The following CCHCR1 variants were observed in gnomAD, a reference collection of about 807,000 sequenced individuals.
The protein encoded by CCHCR1 is coiled-coil alpha-helical rod protein 1, also known as HCR (a-helix coiled-coil rod homologue).
Under a neutral mutation model 114.6 loss-of-function variants are expected in CCHCR1, and 91 were observed. The ratio of observed to expected loss-of-function variants is 0.79; its 90% CI spans 0.67 to 0.94. The LOEUF (loss-of-function observed/expected upper bound fraction) is 0.94. Ranked by LOEUF, CCHCR1 falls within the 40% of genes least tolerant of loss-of-function variation. CCHCR1 has a pLI of 0.00. For missense variants in CCHCR1, 899 were observed against 1,079.9 expected (o/e 0.83, Z 2.35); for synonymous variants, 379 against 428.5 (o/e 0.88, Z 1.43).
chr6:31,145,502 GA>G lies in CCHCR1; in HGVS notation c.1694-10del, dbSNP rs371781374. ...CTTTCGAGCAATCAGGCCTGGAGGGGAAAAAGCAGGGAGAAAAAGAGATGAA... is the reference window on the plus strand; with the variant it reads ...CTTTCGAGCAATCAGGCCTGGAGGGGAAAAGCAGGGAGAAAAAGAGATGAA... On this transcript the variant is annotated splice_polypyrimidine_tract_variant and intron_variant, in intron 11 of 17. Coordinates refer to ENST00000396268, the MANE Select transcript of CCHCR1 (RefSeq NM_001105564.2). 3.8e-4 allele frequency: 608 copies of G among 1,613,086 alleles called. 8 individuals carry two copies. The East Asian group carries it at 7.4e-3, about 20-fold the overall frequency.
Position 31,157,722 on chromosome 6 carries a change from A to G in CCHCR1, c.-122T>C. ...GCGGCTGTTCTCTCAGCTTCTCTCT[A>G]CTATCCCCTTAGCTTCCATGCCTGC... On this transcript the variant is annotated 5_prime_UTR_variant, in exon 1 of 18. Transcript: ENST00000396268. The G allele has an allele frequency of 1.3e-6, 1 of 762,538 alleles. No individual in the cohort carries two copies. Among genetic ancestry groups the G allele is most frequent in the Non-Finnish European group, 2.1e-6 (1 of 475,636 alleles). The allele number at this position is 762,538 out of a possible 1,614,324, so 47.2% of individuals were successfully genotyped here. A position where few individuals can be genotyped will look rare whatever the true frequency, so the allele number is the denominator to read the frequency against.
chr6:31,149,934 T>G, intron 8 of CCHCR1, 132 bp downstream of exon 8: 3 of 876,476 alleles, frequency 3.4e-6, no homozygotes, highest in Non-Finnish European at 3.6e-6. Flanking sequence ...AAGCTCCACA[T>G]TTTAGTTTTG....
At position 31,150,786 on chromosome 6, in the gene CCHCR1, G is replaced by A; in HGVS notation, c.1040C>T (p.Pro347Leu). Reference protein sequence around the residue: ...NLRKYVGEQVPSEVHSQTWEL... With the variant: ...NLRKYVGEQVLSEVHSQTWEL... ...CCATGTCTGGCTGTGGACCTCAGAAGGCACTTGTTCCCCAACATATTTTCT... is the reference window on the plus strand; with the variant it reads ...CCATGTCTGGCTGTGGACCTCAGAAAGCACTTGTTCCCCAACATATTTTCT... Residue 347 changes from proline (P) to leucine (L), a missense_variant, in exon 6 of 18, where the codon CCT becomes CTT. By Grantham distance (98) the Pro-to-Leu change is moderately conservative (BLOSUM62 -3). Transcript: ENST00000396268. This position sits in a 1 kb window ranked among gnomAD's most constrained non-coding sequence, Gnocchi z 5.3. 6.2e-7 allele frequency: 1 copy of A among 1,613,072 alleles called. No homozygotes were observed. The highest frequency in any genetic ancestry group is 8.5e-7 in the Non-Finnish European group (1 of 1,180,010).
intron 10 of CCHCR1, among the ~76,000 whole-genome samples, chr6:31,147,322 C>T (rs952522058): frequency 6.7e-6 from 1 of 149,634 alleles, no homozygotes; most frequent in Non-Finnish European, 1.5e-5. Flanking sequence ...ATCGTGTGAA[C>T]CCGGGAGGCA....
chr6:31,157,525 A>G lies in CCHCR1; in HGVS notation c.76T>C (p.Trp26Arg), dbSNP rs2151076089. Residue 26 changes from tryptophan to arginine, a missense_variant, in exon 1 of 18, where the codon TGG becomes CGG. Trp to Arg is a moderately radical substitution (Grantham distance 101). Transcript: ENST00000396268. ...TGKDPRVMAC[W>R]CLDGLPSGLA... Reference sequence around the variant, plus strand: ...CCTGAGGGAAGCCCATCCAGACACCAGCAGGCCATGACTCTTGGGTCCTTC... The same window carrying G: ...CCTGAGGGAAGCCCATCCAGACACCGGCAGGCCATGACTCTTGGGTCCTTC... 6.2e-7 allele frequency: 1 copy of G among 1,613,068 alleles called. No homozygotes were observed. The highest frequency in any genetic ancestry group is 1.3e-5 in the African/African-American group (1 of 75,054).
chr6:31,157,202 G>A lies in CCHCR1; in HGVS notation c.217-113C>T, dbSNP rs775917358. On this transcript the variant is annotated intron_variant, in intron 1 of 17. Transcript: ENST00000396268. ...CCTTGAATTATAGCCAGGTCCACCC[G>A]ATGCTTAGCTCTTTTCCTACTTCCC... 3.5e-5 allele frequency: 36 copies of A among 1,041,784 alleles called. No homozygotes were observed. In the East Asian group the frequency reaches 8.1e-4, roughly 23 times the overall value. 64.5% of individuals were successfully genotyped at this position (1,041,784 alleles called of 1,614,324 possible). A position where few individuals can be genotyped will look rare whatever the true frequency, so the allele number is the denominator to read the frequency against.
intron 8 of CCHCR1, 97 bp downstream of exon 8, chr6:31,149,969 G>T: frequency 7.3e-7 from 1 of 1,368,814 alleles, no homozygotes; most frequent in Non-Finnish European, 1.0e-6. Flanking sequence ...CCCAGCATGT[G>T]GCAACCACTC....
chr6:31,154,677 T>G lies in CCHCR1; in HGVS notation c.620A>C (p.Gln207Pro). ...GGCCTGGGCCTCTAGCCTCATCTTC[T>G]GCTGCAGCGAGGTCTCCCGCAGGAG... ...VRLLRETSLQ[Q>P]KMRLEAQAME... is the part of the protein sequence containing the mutation. The change falls in exon 4 of 18, where the codon CAG becomes CCG. Residue 207 changes from glutamine to proline, a missense_variant. Gln to Pro is a moderately conservative substitution (Grantham distance 76). Transcript: ENST00000396268. The surrounding 1 kb of genome is among the most constrained non-coding windows in gnomAD (Gnocchi z 4.1). The G allele has an allele frequency of 6.2e-7, 1 of 1,611,428 alleles. No homozygotes were observed. Among genetic ancestry groups the G allele is most frequent in the Non-Finnish European group, 8.5e-7 (1 of 1,179,960 alleles).
In CCHCR1 at chr6:31,148,671, G is replaced by T; in HGVS notation, c.1420C>A (p.Arg474=). Residue 474 remains arginine (R), a synonymous_variant, in exon 9 of 18, where the codon CGA becomes AGA. Transcript: ENST00000396268. The stretch of plus-strand genomic sequence containing the variant: ...TCTGCGGCTTTGTCCTGCAGGGATC[G>T]CTGCAGGATGGCCTGCTCCTGGCTC... The part of the protein sequence containing the change: ...SQSQEQAILQ[R]SLQDKAAEVE... 1.2e-6 allele frequency: 2 copies of T among 1,612,710 alleles called. No individual in the cohort carries two copies. Among genetic ancestry groups the T allele is most frequent in the Non-Finnish European group, 1.7e-6 (2 of 1,179,706 alleles).
rs1773796415 is a variant in CCHCR1, at chr6:31,143,200, T to TAGCCCAGGAACC, written c.2319+50_2319+61dup. 1 of 1,610,382 alleles carries TAGCCCAGGAACC rather than the reference T, an allele frequency of 6.2e-7. No individual in the cohort carries two copies. Among genetic ancestry groups the TAGCCCAGGAACC allele is most frequent in the Non-Finnish European group, 8.5e-7 (1 of 1,178,720 alleles). On this transcript the variant is annotated intron_variant, in intron 16 of 17. Coordinates refer to ENST00000396268, the MANE Select transcript of CCHCR1 (RefSeq NM_001105564.2). The surrounding 1 kb of genome is among the most constrained non-coding windows in gnomAD (Gnocchi z 5.3). ...CCTCACCATCCTCTTTCCACACCTC[T>TAGCCCAGGAACC]AGCCCAGGAACCAGCCCAGGATGGG... is the stretch of plus-strand genomic sequence containing the variant.
intron 17 of CCHCR1, 38 bp from the exon 18 acceptor site, chr6:31,142,754 A>T: frequency 6.3e-7 from 1 of 1,590,854 alleles, no homozygotes; most frequent in South Asian, 1.1e-5. Context: ...CAGACAAGGG[A>T]AGGTGCTCGT....
At chr6:31,149,970 G>A in intron 8 of CCHCR1, 96 bp downstream of exon 8, 12 of 1,378,434 alleles carry the variant, frequency 8.7e-6, no homozygotes, top group Non-Finnish European at 1.2e-5. Flanking sequence ...CCAGCATGTG[G>A]CAACCACTCA....
intron 10 of CCHCR1, among the ~76,000 whole-genome samples, chr6:31,147,255 C>T (rs138598988): frequency 0.085 from 12,880 of 152,042 alleles, 658 homozygotes; most frequent in Middle Eastern, 0.16. Flanking sequence ...AAAAAAGTAG[C>T]CGGGTGTGGT....
In CCHCR1 at chr6:31,150,313, A is replaced by G. The variant is rs1403975658; in HGVS notation, c.1213-98T>C. 2.1e-6 allele frequency: 3 copies of G among 1,423,806 alleles called. No homozygotes were observed. Among genetic ancestry groups the G allele is most frequent in the Non-Finnish European group, 2.9e-6 (3 of 1,024,220 alleles). The allele number at this position is 1,423,806 out of a possible 1,614,324, so 88.2% of individuals were successfully genotyped here. A position where few individuals can be genotyped will look rare whatever the true frequency, so the allele number is the denominator to read the frequency against. ...TCCTCTGTCCTGCCTGGGCAACATG[A>G]GCTACAGCAAGAGGAGTTCACAGGA... On this transcript the variant is annotated intron_variant, in intron 7 of 17. Coordinates refer to ENST00000396268, the MANE Select transcript of CCHCR1 (RefSeq NM_001105564.2). This position sits in a 1 kb window ranked among gnomAD's most constrained non-coding sequence, Gnocchi z 5.3.
In CCHCR1 at chr6:31,144,727, C is replaced by T. The variant is rs1774054127; in HGVS notation, c.2127G>A (p.Glu709=). Residue 709 remains glutamate, a synonymous_variant, in exon 15 of 18, where the codon GAG becomes GAA. Transcript: ENST00000396268. The surrounding 1 kb of genome is among the most constrained non-coding windows in gnomAD (Gnocchi z 4.6). ...CCCTCCGAGCCTCGTTCAGCCTCCT[C>T]TCTGTGTCTGAGAGTTGCTCCCGCA... is the stretch of plus-strand genomic sequence containing the variant. ...TRLREQLSDT[E]RRLNEARREH... The T allele has an allele frequency of 1.2e-6, 2 of 1,613,706 alleles. No individual in the cohort carries two copies. The highest frequency in any genetic ancestry group is 1.7e-6 in the Non-Finnish European group (2 of 1,179,724).
Position 31,154,373 on chromosome 6 carries a change from A to C in CCHCR1, c.801+123T>G. ...GGCCATGTGTGTTTATTTTCACCAA[A>C]GGTCTCATCACTCTACTACTCACTA... On this transcript the variant is annotated intron_variant, in intron 4 of 17. Coordinates refer to ENST00000396268, the MANE Select transcript of CCHCR1 (RefSeq NM_001105564.2). The surrounding 1 kb of genome is among the most constrained non-coding windows in gnomAD (Gnocchi z 4.1). 1.4e-6 allele frequency: 1 copy of C among 723,062 alleles called. No homozygotes were observed. Among genetic ancestry groups the C allele is most frequent in the Non-Finnish European group, 2.4e-6 (1 of 425,468 alleles). The allele number at this position is 723,062 out of a possible 1,614,324, so 44.8% of individuals were successfully genotyped here.
rs1449166892 is a variant in CCHCR1, at chr6:31,143,233, G to A, written c.2319+29C>T. The A allele has an allele frequency of 6.2e-7, 1 of 1,612,046 alleles. No individual in the cohort carries two copies. Among genetic ancestry groups the A allele is most frequent in the South Asian group, 1.1e-5 (1 of 90,996 alleles). Reference sequence around the variant, plus strand: ...GAACCAGCCCAGGATGGGCCCTAGTGTCTGCCTGTCTGCCCTCCTGTCTCC... The same window carrying A: ...GAACCAGCCCAGGATGGGCCCTAGTATCTGCCTGTCTGCCCTCCTGTCTCC... On this transcript the variant is annotated intron_variant, in intron 16 of 17. Coordinates refer to ENST00000396268, the MANE Select transcript of CCHCR1 (RefSeq NM_001105564.2). This position sits in a 1 kb window ranked among gnomAD's most constrained non-coding sequence, Gnocchi z 5.3.
At position 31,151,504 on chromosome 6, in the gene CCHCR1, G is replaced by C. The variant is rs1264050514; in HGVS notation, c.802-382C>G. ...GGGACCCGGCCTCTGCCTACCTCCT[G>C]AGCTCACCCTGGAGGCTCTCCCACT... On this transcript the variant is annotated intron_variant, in intron 4 of 17. Coordinates refer to ENST00000396268, the MANE Select transcript of CCHCR1 (RefSeq NM_001105564.2). The surrounding 1 kb of genome is among the most constrained non-coding windows in gnomAD (Gnocchi z 4.1). 6.6e-6 allele frequency among the ~76,000 whole-genome samples: 1 copy of C among 152,150 alleles called. No homozygotes were observed. Among genetic ancestry groups the C allele is most frequent in the African/African-American group, 2.4e-5 (1 of 41,426 alleles).
chr6:31,144,910 G>A lies in CCHCR1; in HGVS notation c.2040C>T (p.Thr680=), dbSNP rs1173803216. The A allele has an allele frequency of 6.2e-7, 1 of 1,613,294 alleles. No homozygotes were observed. Among genetic ancestry groups the A allele is most frequent in the South Asian group, 1.1e-5 (1 of 91,076 alleles). Residue 680 remains threonine (T), a synonymous_variant, in exon 14 of 18, where the codon ACC becomes ACT. Transcript: ENST00000396268. This position sits in a 1 kb window ranked among gnomAD's most constrained non-coding sequence, Gnocchi z 4.6. ...EEAASLRQEL[T]QQQELYGQAL... ...CTTGCCCGTAGAGTTCCTGCTGCTGGGTCAGCTCCTGCCGCAGACTGGCAG... is the reference window on the plus strand; with the variant it reads ...CTTGCCCGTAGAGTTCCTGCTGCTGAGTCAGCTCCTGCCGCAGACTGGCAG...
Sources: allele counts gnomAD v4.1 joint callset (sites outside exome capture counted in the v4.1 genomes callset), GRCh38; gene constraint gnomAD v4.1.1; non-coding constraint Gnocchi (gnomAD v3.1); transcripts MANE v1.5; gene names NCBI Gene and HGNC (gene_info 2026-07-23, HGNC 2026-07-21).